The following ACER3 variants were observed in gnomAD, a reference collection of about 807,000 sequenced individuals.
ACER3 encodes alkCDase 3.
A neutral mutation model predicts 48.9 loss-of-function variants in ACER3; 16 were observed. The observed-to-expected ratio is 0.33, with a 90% CI of 0.22 to 0.50. The LOEUF (loss-of-function observed/expected upper bound fraction) is 0.50, where lower values mean the gene tolerates loss of function less well. Among genes scored for constraint, ACER3 ranks in the 20% least tolerant of loss-of-function variants. The probability of loss-of-function intolerance (pLI) is 0.98; values close to 1 mark genes in which losing one functional copy is unlikely to be tolerated. For synonymous variants in ACER3, 109 were observed against 107.8 expected (o/e 1.01, Z -0.07); for missense variants, 227 against 326.0 (o/e 0.70, Z 2.34).
In ACER3 at chr11:77,025,584, T is replaced by C. The variant is rs1268131063; in HGVS notation, c.*5257T>C. ...CCACCATGCCACCATGCCTGGCTGA[T>C]TTTTGTATTTTTAGTAGAGCTGGGT... On this transcript the variant is annotated 3_prime_UTR_variant, in exon 11 of 11. Transcript: ENST00000532485. The C allele has an allele frequency of 6.6e-6, 1 of 151,908 alleles. No individual in the cohort carries two copies. The highest frequency in any genetic ancestry group is 2.4e-5 in the African/African-American group (1 of 41,312). 9.4% of individuals were successfully genotyped at this position (151,908 alleles called of 1,614,324 possible).
intron 1 of ACER3, among the ~76,000 whole-genome samples, chr11:76,905,080 G>A (rs924559650): frequency 2.0e-5 from 3 of 152,106 alleles, no homozygotes. Context: ...TCGAACTCCT[G>A]ACCTCAGGTG....
At chr11:76,922,909 T>C (rs911107304) in intron 1 of ACER3, among the ~76,000 whole-genome samples, 1 of 152,160 alleles carries the variant, frequency 6.6e-6, no homozygotes, top group Non-Finnish European at 1.5e-5. Flanking sequence ...CATATTTTTG[T>C]TCCTTTCTCT....
chr11:76,905,566 A>G (rs760000920), intron 1 of ACER3, among the ~76,000 whole-genome samples: 1 of 152,188 alleles, frequency 6.6e-6, no homozygotes, highest in African/African-American at 2.4e-5. Flanking sequence ...AGACTCTTCT[A>G]TATGCATATA....
At chr11:76,929,201 G>A (rs1441835877) in intron 2 of ACER3, among the ~76,000 whole-genome samples, 1 of 151,996 alleles carries the variant, frequency 6.6e-6, no homozygotes, top group Non-Finnish European at 1.5e-5. Flanking sequence ...GGATTCCTAG[G>A]TATTTTATTC....
chr11:76,898,183 A>G (rs1405700334), intron 1 of ACER3, among the ~76,000 whole-genome samples: 2 of 152,192 alleles, frequency 1.3e-5, no homozygotes, highest in Non-Finnish European at 1.5e-5. Flanking sequence ...ATTAGTGTAA[A>G]TGTCAATACA....
intron 3 of ACER3, among the ~76,000 whole-genome samples, chr11:76,968,022 T>C: frequency 6.6e-6 from 1 of 152,224 alleles, no homozygotes. Flanking sequence ...GCAGATGACA[T>C]GATTGTATAC....
intron 1 of ACER3, among the ~76,000 whole-genome samples, chr11:76,873,324 T>A (rs533544689): frequency 1.3e-5 from 2 of 152,314 alleles, no homozygotes; most frequent in South Asian, 4.1e-4. Flanking sequence ...CTCAGTGTTA[T>A]CTCTGTTTGT....
At chr11:76,918,603 TATTA>T (rs1383989632) in intron 1 of ACER3, among the ~76,000 whole-genome samples, 2 of 152,104 alleles carry the variant, frequency 1.3e-5, no homozygotes, top group Admixed American at 6.5e-5. Flanking sequence ...ACTATATAGA[TATTA>T]ATTCTTAACA....
chr11:76,940,777 A>G (rs1199328248), intron 2 of ACER3, among the ~76,000 whole-genome samples: 2 of 152,168 alleles, frequency 1.3e-5, no homozygotes, highest in Admixed American at 6.5e-5. Flanking sequence ...CGTCCCTTCT[A>G]TAAGACGAAG....
chr11:76,901,339 A>C (rs1338797909), intron 1 of ACER3, among the ~76,000 whole-genome samples: 2 of 152,042 alleles, frequency 1.3e-5, no homozygotes, highest in Non-Finnish European at 2.9e-5. Flanking sequence ...GGGACAAAGC[A>C]TCAATGGAAC....
At chr11:76,895,238 T>A (rs1258301620) in intron 1 of ACER3, among the ~76,000 whole-genome samples, 2 of 152,202 alleles carry the variant, frequency 1.3e-5, no homozygotes, top group Non-Finnish European at 2.9e-5. Flanking sequence ...ATATTTGAAC[T>A]TTCTAGCCTG....
Position 76,861,036 on chromosome 11 carries a change from G to T in ACER3, c.60G>T (p.Trp20Cys). The T allele has an allele frequency of 6.5e-7, 1 of 1,548,604 alleles. No individual in the cohort carries two copies. The highest frequency in any genetic ancestry group is 1.4e-5 in the African/African-American group (1 of 73,070). The change falls in exon 1 of 11, where the codon TGG (tryptophan) becomes TGT (cysteine). Residue 20 changes from tryptophan to cysteine, a missense_variant. Around this residue, in one of 3 missense-constraint regions of ACER3, gnomAD observed 195 missense variants for 290.8 expected, o/e 0.67. Coordinates refer to ENST00000532485, the MANE Select transcript of ACER3 (RefSeq NM_018367.7). Reference sequence around the variant, plus strand: ...GCCCCACGACCTCCACGCTGGACTGGTGCGAGGAGAACTACTCCGTGACCT... The same window carrying T: ...GCCCCACGACCTCCACGCTGGACTGTTGCGAGGAGAACTACTCCGTGACCT... Reference protein sequence around the residue: ...YWGPTTSTLDWCEENYSVTWY... With the variant: ...YWGPTTSTLDCCEENYSVTWY...
At chr11:76,986,018 G>A (rs1322295854) in intron 5 of ACER3, among the ~76,000 whole-genome samples, 2 of 152,200 alleles carry the variant, frequency 1.3e-5, no homozygotes, top group African/African-American at 4.8e-5. Flanking sequence ...GGACATATTA[G>A]CTCCTATTTG....
intron 2 of ACER3, among the ~76,000 whole-genome samples, chr11:76,952,167 CAT>C (rs1364591609): frequency 1.5e-4 from 23 of 150,336 alleles, no homozygotes; most frequent in Non-Finnish European, 2.2e-4. Context: ...CACACACACA[CAT>C]ATAAATATGA....
At chr11:76,958,431 C>T (rs1046140338) in intron 2 of ACER3, among the ~76,000 whole-genome samples, 2 of 152,030 alleles carry the variant, frequency 1.3e-5, no homozygotes, top group African/African-American at 2.4e-5. Context: ...AGATGGTCCA[C>T]CCACCTCAAC....
At chr11:76,910,948 C>T (rs1011631381) in intron 1 of ACER3, among the ~76,000 whole-genome samples, 3 of 152,052 alleles carry the variant, frequency 2.0e-5, no homozygotes, top group Non-Finnish European at 2.9e-5. Context: ...TGAATACTTA[C>T]GTGATTATAG....
At chr11:76,909,019 G>T (rs549424786) in intron 1 of ACER3, among the ~76,000 whole-genome samples, 3 of 152,234 alleles carry the variant, frequency 2.0e-5, no homozygotes, top group African/African-American at 7.2e-5. Flanking sequence ...AAGAAATGGG[G>T]GAAAGGATTC....
At chr11:76,950,864 A>G (rs1340045135) in intron 2 of ACER3, among the ~76,000 whole-genome samples, 1 of 152,206 alleles carries the variant, frequency 6.6e-6, no homozygotes, top group South Asian at 2.1e-4. Flanking sequence ...GTTGAGAGAA[A>G]GATAATATGG....
intron 1 of ACER3, among the ~76,000 whole-genome samples, chr11:76,912,278 C>T (rs1415746905): frequency 6.6e-6 from 1 of 152,114 alleles, no homozygotes; most frequent in Non-Finnish European, 1.5e-5. Context: ...GAGAGAGAAG[C>T]ATGACACAAT....
Sources: gnomAD v4.1 joint callset for allele counts (sites outside exome capture counted in the v4.1 genomes callset) on GRCh38, gnomAD v4.1.1 for gene constraint, gnomAD v4.1.1 regional missense constraint, MANE v1.5 for transcripts, NCBI Gene and HGNC (gene_info 2026-07-23, HGNC 2026-07-21) for gene names.